Variants in STARD13 observed in about 807,000 individuals in gnomAD.
STARD13 encodes stAR-related lipid transfer protein 13.
STARD13 carries 62 observed loss-of-function variants against 106.4 expected under a neutral mutation model. The ratio of observed to expected loss-of-function variants is 0.58; its 90% confidence interval spans 0.48 to 0.72. STARD13 has a LOEUF of 0.72. Among genes scored for constraint, STARD13 ranks in the 30% least tolerant of loss-of-function variants. STARD13 has a pLI of 0.00. For missense variants in STARD13, 1,387 were observed against 1,424.0 expected, an observed-to-expected ratio of 0.97 and a Z score of 0.42; for synonymous variants, 565 against 553.0, an observed-to-expected ratio of 1.02 and a Z score of -0.31.
intron 1 of STARD13, among the ~76,000 whole-genome samples, chr13:33,191,729 C>T (rs1214125269): frequency 1.3e-5 from 2 of 152,210 alleles, no homozygotes; most frequent in Non-Finnish European, 2.9e-5. Context: ...TCCAAGACCA[C>T]AGCCTCAGCA....
chr13:33,357,898 G>GC, the STARD13 span, among the ~76,000 whole-genome samples: 5 of 152,222 alleles, frequency 3.3e-5, no homozygotes, highest in African/African-American at 9.6e-5. Flanking sequence ...GAGCCCTTCA[G>GC]CCCCCCACTG....
the STARD13 span, among the ~76,000 whole-genome samples, chr13:33,499,591 CTT>C: frequency 6.2e-5 from 4 of 64,002 alleles, no homozygotes; most frequent in Admixed American, 1.8e-4. Context: ...TCTTCTTCTT[CTT>C]CTTCTTCTTC....
chr13:33,445,782 G>A, the STARD13 span, among the ~76,000 whole-genome samples: 2 of 152,084 alleles, frequency 1.3e-5, no homozygotes, highest in Non-Finnish European at 2.9e-5. Context: ...CCAGGTGCCA[G>A]GCTCTTTTTA....
the STARD13 span, among the ~76,000 whole-genome samples, chr13:33,420,147 GAC>G: frequency 6.6e-6 from 1 of 152,254 alleles, no homozygotes; most frequent in African/African-American, 2.4e-5. Context: ...CCATTTAAAA[GAC>G]ACAGACTGCC....
At chr13:33,320,611 A>G (rs748988752) in intron 1 of STARD13, among the ~76,000 whole-genome samples, 2 of 152,174 alleles carry the variant, frequency 1.3e-5, no homozygotes, top group African/African-American at 2.4e-5. Flanking sequence ...AAATATACTT[A>G]GATTATATAC....
the STARD13 span, among the ~76,000 whole-genome samples, chr13:33,533,275 T>C: frequency 2.0e-5 from 3 of 152,190 alleles, no homozygotes; most frequent in South Asian, 6.2e-4. Flanking sequence ...GAGCAAGATA[T>C]GAAAACAAAA....
At chr13:33,639,412 A>C in the STARD13 span, among the ~76,000 whole-genome samples, 1 of 152,176 alleles carries the variant, frequency 6.6e-6, no homozygotes, top group Non-Finnish European at 1.5e-5. Flanking sequence ...TGCCCTTGTG[A>C]AGTTTATTGT....
chr13:33,587,084 C>T, the STARD13 span, among the ~76,000 whole-genome samples: 2 of 151,982 alleles, frequency 1.3e-5, no homozygotes, highest in African/African-American at 4.8e-5. Flanking sequence ...GGTGTGGTGG[C>T]AGGCGCCTGT....
the STARD13 span, among the ~76,000 whole-genome samples, chr13:33,538,086 T>C: frequency 6.6e-6 from 1 of 152,064 alleles, no homozygotes; most frequent in Admixed American, 6.5e-5. Context: ...AATGAGCCTA[T>C]CTTTATTAGC....
chr13:33,466,694 A>G, the STARD13 span, among the ~76,000 whole-genome samples: 1 of 152,254 alleles, frequency 6.6e-6, no homozygotes, highest in African/African-American at 2.4e-5. Flanking sequence ...TAAAGATTGA[A>G]GTTAAAAAAA....
At chr13:33,443,500 G>A in the STARD13 span, among the ~76,000 whole-genome samples, 12 of 150,362 alleles carry the variant, frequency 8.0e-5, no homozygotes, top group East Asian at 1.9e-4. Flanking sequence ...TTGCAACCCC[G>A]TATATTGAAC....
rs149923568 is a variant in STARD13, at chr13:33,225,627, T to C, written c.170-58005A>G. 2.3e-3 allele frequency among the ~76,000 whole-genome samples: 351 copies of C among 152,304 alleles called. 1 individual carries two copies. Among genetic ancestry groups the C allele is most frequent in the African/African-American group, 7.9e-3 (328 of 41,566 alleles). On this transcript the variant is annotated intron_variant, in intron 1 of 13. Coordinates refer to ENST00000336934, the MANE Select transcript of STARD13 (RefSeq NM_178006.4). ...AGCAGAATTTTGGATAAGCGAAGTATCACTGTATCATAAACGTAGAGGTAT... is the reference window on the plus strand; with the variant it reads ...AGCAGAATTTTGGATAAGCGAAGTACCACTGTATCATAAACGTAGAGGTAT...
At chr13:33,169,360 T>A (rs1883689124) in intron 1 of STARD13, among the ~76,000 whole-genome samples, 1 of 152,222 alleles carries the variant, frequency 6.6e-6, no homozygotes, top group African/African-American at 2.4e-5. Context: ...CCTACTTTGA[T>A]AACCACACAA....
chr13:33,459,115 A>G, the STARD13 span, among the ~76,000 whole-genome samples: 1 of 152,174 alleles, frequency 6.6e-6, no homozygotes, highest in Non-Finnish European at 1.5e-5. Flanking sequence ...GATGTAAGAT[A>G]AATTGCATAG....
At chr13:33,621,049 C>T in the STARD13 span, among the ~76,000 whole-genome samples, 2 of 151,472 alleles carry the variant, frequency 1.3e-5, no homozygotes, top group African/African-American at 4.8e-5. Context: ...GATGTAAAAC[C>T]AGTAAGTCCC....
the STARD13 span, among the ~76,000 whole-genome samples, chr13:33,554,368 C>T: frequency 1.3e-5 from 2 of 152,094 alleles, no homozygotes; most frequent in South Asian, 2.1e-4. Context: ...GTAGCTGATT[C>T]GCATAGAGGG....
intron 3 of STARD13, among the ~76,000 whole-genome samples, chr13:33,159,679 G>C (rs1210125562): frequency 6.6e-6 from 1 of 152,138 alleles, no homozygotes; most frequent in South Asian, 2.1e-4. Flanking sequence ...AGGATACAAA[G>C]ACAATATACA....
At chr13:33,381,512 G>T in the STARD13 span, among the ~76,000 whole-genome samples, 1 of 152,130 alleles carries the variant, frequency 6.6e-6, no homozygotes, top group African/African-American at 2.4e-5. Context: ...GGCCGAGGTG[G>T]GCTGACCATT....
chr13:33,564,162 C>G, the STARD13 span, among the ~76,000 whole-genome samples: 1 of 136,246 alleles, frequency 7.3e-6, no homozygotes, highest in African/African-American at 2.8e-5. Context: ...GAGCAGAGAC[C>G]GTGCCATTGC....
Sources: gnomAD v4.1 joint callset for allele counts (sites outside exome capture counted in the v4.1 genomes callset) on GRCh38, gnomAD v4.1.1 for gene constraint, MANE v1.5 for transcripts, NCBI Gene and HGNC (gene_info 2026-07-23, HGNC 2026-07-21) for gene names.